Variants in SHROOM3 observed in about 807,000 individuals in gnomAD.
The protein encoded by SHROOM3 is shroom family member 3.
A neutral mutation model predicts 138.6 loss-of-function variants in SHROOM3; 47 were observed. The observed-to-expected ratio is 0.34, with a 90% CI of 0.27 to 0.43. The LOEUF is 0.43. Ranked by LOEUF, SHROOM3 falls within the 20% of genes least tolerant of loss-of-function variation. The probability of loss-of-function intolerance (pLI) is 1.00; values close to 1 mark genes in which losing one functional copy is unlikely to be tolerated. For synonymous variants in SHROOM3, 1,062 were observed against 1,063.3 expected (o/e 1.00, Z 0.02); for missense variants, 2,491 against 2,596.5 (o/e 0.96, Z 0.88).
intron 1 of SHROOM3, among the ~76,000 whole-genome samples, chr4:76,519,703 T>G (rs935122727): frequency 1.3e-5 from 2 of 152,202 alleles, no homozygotes; most frequent in Non-Finnish European, 2.9e-5. Context: ...CTATATGTGA[T>G]TTTCACTGTA....
intron 2 of SHROOM3, among the ~76,000 whole-genome samples, chr4:76,582,761 A>G (rs1219586512): frequency 1.3e-5 from 2 of 152,210 alleles, no homozygotes; most frequent in Admixed American, 1.3e-4. Flanking sequence ...GATGTTCTAG[A>G]CCAGAGGCCT....
At chr4:76,658,088 T>C (rs1577956415) in intron 2 of SHROOM3, among the ~76,000 whole-genome samples, 1 of 152,222 alleles carries the variant, frequency 6.6e-6, no homozygotes, top group Non-Finnish European at 1.5e-5. Context: ...AAAGTGCTCT[T>C]CCATGCATTT....
chr4:76,529,617 G>T (rs1732788945), intron 1 of SHROOM3, among the ~76,000 whole-genome samples: 2 of 152,126 alleles, frequency 1.3e-5, no homozygotes, highest in Admixed American at 6.5e-5. Flanking sequence ...GAGCCACCGA[G>T]CCCAGCCTGT....
At chr4:76,618,185 G>T (rs1243731393) in intron 2 of SHROOM3, among the ~76,000 whole-genome samples, 3 of 152,066 alleles carry the variant, frequency 2.0e-5, no homozygotes, top group Non-Finnish European at 4.4e-5. Flanking sequence ...GTGCCTATAG[G>T]CCTAGCTACT....
intron 2 of SHROOM3, among the ~76,000 whole-genome samples, chr4:76,691,550 A>G (rs2110108178): frequency 6.6e-6 from 1 of 152,326 alleles, no homozygotes. Flanking sequence ...CTTTTCTATT[A>G]TGGATAGAAA....
intron 2 of SHROOM3, among the ~76,000 whole-genome samples, chr4:76,604,436 A>C (rs1036839822): frequency 2.0e-5 from 3 of 152,172 alleles, no homozygotes; most frequent in Non-Finnish European, 2.9e-5. Context: ...ATTTTCTAGA[A>C]CATGTCTCAC....
intron 1 of SHROOM3, among the ~76,000 whole-genome samples, chr4:76,480,455 G>A (rs983518939): frequency 2.0e-5 from 3 of 152,194 alleles, no homozygotes; most frequent in Non-Finnish European, 2.9e-5. Context: ...AAATACATAT[G>A]CACCCAATAC....
intron 2 of SHROOM3, among the ~76,000 whole-genome samples, chr4:76,615,418 T>A (rs1734851712): frequency 6.6e-6 from 1 of 152,200 alleles, no homozygotes; most frequent in African/African-American, 2.4e-5. Context: ...TTAAGCCAAC[T>A]GATGCCGAAA....
chr4:76,493,302 T>C (rs1731895987), intron 1 of SHROOM3, among the ~76,000 whole-genome samples: 1 of 151,900 alleles, frequency 6.6e-6, no homozygotes, highest in Non-Finnish European at 1.5e-5. Flanking sequence ...TTAGTATAAG[T>C]ATGTCCCAAA....
rs1245123920 is a variant in SHROOM3 at position 76,756,724 on chromosome 4, G to A, written c.4985G>A (p.Ser1662Asn). The A allele has an allele frequency of 3.1e-6, 5 of 1,614,018 alleles. No individual in the cohort carries two copies. The Admixed American group carries it at 6.7e-5, about 22-fold the overall frequency. Residue 1662 changes from serine to asparagine, a missense_variant, in exon 8 of 11, where the codon AGT becomes AAT. By Grantham distance (46) the Ser-to-Asn change is conservative (BLOSUM62 1). This residue lies in a region of SHROOM3 where 470 missense variants were observed against 595.0 expected (regional missense o/e 0.79). Transcript: ENST00000296043. ...AAAGTCAGTCCTGATCCTCAGAAGAGTTCAGAAGACATCAGAACAGAGGCT... is the reference window on the plus strand; with the variant it reads ...AAAGTCAGTCCTGATCCTCAGAAGAATTCAGAAGACATCAGAACAGAGGCT... ...EKKVSPDPQK[S>N]SEDIRTEALA...
At chr4:76,488,375 A>G (rs1425548275) in intron 1 of SHROOM3, among the ~76,000 whole-genome samples, 1 of 152,196 alleles carries the variant, frequency 6.6e-6, no homozygotes, top group Non-Finnish European at 1.5e-5. Context: ...TAAACTGTAC[A>G]TGCATTAACA....
chr4:76,442,086 G>A (rs1270081659), intron 1 of SHROOM3, among the ~76,000 whole-genome samples: 1 of 152,168 alleles, frequency 6.6e-6, no homozygotes, highest in Non-Finnish European at 1.5e-5. Context: ...TGCATTTGGC[G>A]TCCTGCCAAT....
At chr4:76,716,341 A>G (rs762292349) in intron 3 of SHROOM3, 1 of 519,004 alleles carries the variant, frequency 1.9e-6, no homozygotes, top group South Asian at 1.4e-5. Flanking sequence ...ATGGCTTTTT[A>G]TTCCACGACT....
chr4:76,739,057 T>G lies in SHROOM3; in HGVS notation c.884T>G (p.Leu295Arg). ...SMDNTSARGGLLEGMRQADIR... is the reference protein window; with the variant it reads ...SMDNTSARGGRLEGMRQADIR... ...GACAATACTTCTGCTCGAGGTGGCC[T>G]CCTCGAAGGGATGAGGCAGGCAGAT... The change falls in exon 5 of 11, where the codon CTC becomes CGC. Residue 295 changes from leucine (L) to arginine (R), a missense_variant. This residue lies in a region of SHROOM3 where 1,733 missense variants were observed against 1,661.6 expected (regional missense o/e 1.04). Transcript: ENST00000296043. 1 of 1,614,170 alleles carries G rather than the reference T, an allele frequency of 6.2e-7. No individual in the cohort carries two copies. The highest frequency in any genetic ancestry group is 8.5e-7 in the Non-Finnish European group (1 of 1,180,024).
chr4:76,763,520 G>T (rs766754164), intron 9 of SHROOM3, among the ~76,000 whole-genome samples: 1 of 152,126 alleles, frequency 6.6e-6, no homozygotes, highest in Non-Finnish European at 1.5e-5. Flanking sequence ...AACCAAGATC[G>T]TGCCACTCCA....
intron 2 of SHROOM3, among the ~76,000 whole-genome samples, chr4:76,659,370 C>T (rs1194666544): frequency 6.6e-6 from 1 of 152,224 alleles, no homozygotes; most frequent in Admixed American, 6.5e-5. Context: ...TACTCCCCCA[C>T]CATCTAGCCA....
intron 1 of SHROOM3, among the ~76,000 whole-genome samples, chr4:76,458,947 T>A (rs1731086640): frequency 6.6e-6 from 1 of 152,204 alleles, no homozygotes; most frequent in Non-Finnish European, 1.5e-5. Flanking sequence ...TAGGTCCAGC[T>A]CCCTGTGAAA....
intron 2 of SHROOM3, among the ~76,000 whole-genome samples, chr4:76,598,923 G>C (rs942365294): frequency 6.6e-6 from 1 of 152,164 alleles, no homozygotes; most frequent in Non-Finnish European, 1.5e-5. Flanking sequence ...TGAAGGAAAA[G>C]AAACTAGTGA....
chr4:76,662,174 C>CTCT (rs1718519854), intron 2 of SHROOM3, among the ~76,000 whole-genome samples: 1 of 152,156 alleles, frequency 6.6e-6, no homozygotes, highest in Non-Finnish European at 1.5e-5. Context: ...CTGAGCTGGG[C>CTCT]TCTTATCTGG....
Sources: allele counts gnomAD v4.1 joint callset (sites outside exome capture counted in the v4.1 genomes callset), GRCh38; gene constraint gnomAD v4.1.1; regional missense constraint gnomAD v4.1.1; transcripts MANE v1.5; gene names NCBI Gene and HGNC (gene_info 2026-07-23, HGNC 2026-07-21).